Variants in SH3RF3 observed in about 807,000 individuals in gnomAD.
SH3RF3 encodes the protein SH3 domain containing ring finger 3, also known as E3 ubiquitin-protein ligase SH3RF3.
In SH3RF3, 29 loss-of-function variants were observed where a neutral mutation model predicts 66.3. The observed-to-expected ratio is 0.44, with a 90% CI of 0.33 to 0.60. The LOEUF (loss-of-function observed/expected upper bound fraction) is 0.60. SH3RF3 is among the 20% of genes least tolerant of loss of function. SH3RF3 has a pLI of 0.04. For missense variants in SH3RF3, 1,194 were observed against 1,190.9 expected (o/e 1.00, Z -0.04); for synonymous variants, 583 against 532.0 (o/e 1.10, Z -1.32).
chr2:109,307,267 A>G (rs1450146788), intron 1 of SH3RF3, among the ~76,000 whole-genome samples: 1 of 152,210 alleles, frequency 6.6e-6, no homozygotes, highest in Non-Finnish European at 1.5e-5. Flanking sequence ...CATTGATTTA[A>G]TTCGCAAATT....
chr2:109,295,847 A>G (rs1272384980), intron 1 of SH3RF3, among the ~76,000 whole-genome samples: 1 of 152,140 alleles, frequency 6.6e-6, no homozygotes, highest in Non-Finnish European at 1.5e-5. Context: ...ATCTCTGTGT[A>G]GCTTGAAGCT....
intron 1 of SH3RF3, among the ~76,000 whole-genome samples, chr2:109,332,922 A>T (rs1276429122): frequency 6.6e-6 from 1 of 152,242 alleles, no homozygotes; most frequent in Non-Finnish European, 1.5e-5. Flanking sequence ...AGCTGTTTTG[A>T]TGGGAGGAAA....
At chr2:109,241,569 C>T (rs1425199010) in intron 1 of SH3RF3, among the ~76,000 whole-genome samples, 1 of 152,114 alleles carries the variant, frequency 6.6e-6, no homozygotes. Flanking sequence ...TTCTTCCCTC[C>T]CACTTGGCCT....
chr2:109,422,786 C>T (rs1342124959), intron 5 of SH3RF3, among the ~76,000 whole-genome samples: 1 of 152,194 alleles, frequency 6.6e-6, no homozygotes, highest in East Asian at 1.9e-4. Context: ...GGTTGATTCT[C>T]ACCTCCACTT....
intron 4 of SH3RF3, among the ~76,000 whole-genome samples, chr2:109,411,391 C>T (rs546654515): frequency 2.6e-5 from 4 of 152,310 alleles, no homozygotes; most frequent in East Asian, 1.9e-4. Context: ...CAGCAGGCCT[C>T]GTGTTCTTGG....
chr2:109,280,254 C>G (rs1574547492), intron 1 of SH3RF3, among the ~76,000 whole-genome samples: 1 of 152,180 alleles, frequency 6.6e-6, no homozygotes, highest in African/African-American at 2.4e-5. Context: ...CAGGACCTAG[C>G]GTGTTGGCAC....
intron 1 of SH3RF3, among the ~76,000 whole-genome samples, chr2:109,221,167 G>A (rs1679228017): frequency 6.6e-6 from 1 of 152,208 alleles, no homozygotes; most frequent in Non-Finnish European, 1.5e-5. Context: ...CATGCACAGA[G>A]GAACCATGGA....
intron 1 of SH3RF3, among the ~76,000 whole-genome samples, chr2:109,132,932 A>G (rs1442482529): frequency 6.6e-6 from 1 of 152,266 alleles, no homozygotes; most frequent in Non-Finnish European, 1.5e-5. Flanking sequence ...AAGGACTTGA[A>G]TATCAGACAA....
intron 1 of SH3RF3, among the ~76,000 whole-genome samples, chr2:109,280,247 G>A: frequency 6.6e-6 from 1 of 152,202 alleles, no homozygotes; most frequent in Non-Finnish European, 1.5e-5. Context: ...GCAGCAGCAG[G>A]ACCTAGCGTG....
intron 1 of SH3RF3, among the ~76,000 whole-genome samples, chr2:109,325,704 C>T (rs1455041066): frequency 6.6e-6 from 1 of 152,176 alleles, no homozygotes; most frequent in Non-Finnish European, 1.5e-5. Context: ...TCCTGGTTTC[C>T]AAGCCAGGCA....
At chr2:109,250,579 A>G (rs575655037) in intron 1 of SH3RF3, among the ~76,000 whole-genome samples, 148 of 152,006 alleles carry the variant, frequency 9.7e-4, no homozygotes, top group African/African-American at 3.2e-3. Context: ...ATACAGAAAA[A>G]CCTTTAACAA....
chr2:109,134,143 C>T (rs1676764498), intron 1 of SH3RF3, among the ~76,000 whole-genome samples: 1 of 152,152 alleles, frequency 6.6e-6, no homozygotes, highest in African/African-American at 2.4e-5. Flanking sequence ...ATGGAAAGTT[C>T]ACAATAATCC....
intron 1 of SH3RF3, among the ~76,000 whole-genome samples, chr2:109,247,608 G>A (rs1238991731): frequency 6.6e-6 from 1 of 152,224 alleles, no homozygotes; most frequent in African/African-American, 2.4e-5. Context: ...GTAAACAAAG[G>A]TGTGAGTGTC....
chr2:109,260,781 G>A lies in SH3RF3; in HGVS notation c.574-86893G>A, dbSNP rs149108192. On this transcript the variant is annotated intron_variant, in intron 1 of 9. Transcript: ENST00000309415. ...CACGGAAACTTCAGGTGACCCTAGC[G>A]TGTGTCTGAACCAAGTTCCTAAGTG... 2.8e-3 allele frequency among the ~76,000 whole-genome samples: 431 copies of A among 152,312 alleles called. 1 individual carries two copies. The highest frequency in any genetic ancestry group is 6.2e-3 in the African/African-American group (257 of 41,584).
intron 6 of SH3RF3, among the ~76,000 whole-genome samples, chr2:109,434,467 A>G (rs535741384): frequency 3.9e-5 from 6 of 152,344 alleles, no homozygotes; most frequent in South Asian, 2.1e-4. Flanking sequence ...GCATTGGGAC[A>G]TCGCCTGGCC....
chr2:109,495,518 GTCTCAC>G (rs1270041688), intron 9 of SH3RF3, among the ~76,000 whole-genome samples: 3 of 62,698 alleles, frequency 4.8e-5, no homozygotes, highest in Non-Finnish European at 7.5e-5. Flanking sequence ...TTGAGACAAA[GTCTCAC>G]TCTGTCTGCT....
At chr2:109,353,183 A>C (rs893193413) in intron 2 of SH3RF3, among the ~76,000 whole-genome samples, 4 of 152,142 alleles carry the variant, frequency 2.6e-5, no homozygotes, top group Non-Finnish European at 4.4e-5. Flanking sequence ...TTGCTCCCTC[A>C]AGGGCCTGAT....
chr2:109,159,499 G>A (rs996114847), intron 1 of SH3RF3, among the ~76,000 whole-genome samples: 1 of 152,220 alleles, frequency 6.6e-6, no homozygotes, highest in Admixed American at 6.5e-5. Flanking sequence ...AGCTTTCCTT[G>A]TTAATGAGCT....
At chr2:109,199,618 G>GTTCC (rs1558953989) in intron 1 of SH3RF3, among the ~76,000 whole-genome samples, 5 of 226 alleles carry the variant, frequency 0.022, no homozygotes, top group Admixed American at 0.042. Flanking sequence ...GGAATGGAAT[G>GTTCC]GAATGGAATG....
Sources: gnomAD v4.1 joint callset for allele counts (sites outside exome capture counted in the v4.1 genomes callset) on GRCh38, gnomAD v4.1.1 for gene constraint, MANE v1.5 for transcripts, NCBI Gene and HGNC (gene_info 2026-07-23, HGNC 2026-07-21) for gene names.